The following VWA8 variants were observed in gnomAD, a reference collection of about 807,000 sequenced individuals.
VWA8 encodes von Willebrand factor A domain containing 8.
VWA8 carries 221 observed loss-of-function variants against 241.5 expected under a neutral mutation model. The observed-to-expected ratio is 0.91, with a 90% CI of 0.82 to 1.02. The LOEUF (loss-of-function observed/expected upper bound fraction) is 1.02, where lower values mean the gene tolerates loss of function less well. VWA8 is among the 50% of genes least tolerant of loss of function. The pLI is 0.00. For missense variants in VWA8, 2,322 were observed against 2,328.7 expected (o/e 1.00, Z 0.06); for synonymous variants, 852 against 827.1 (o/e 1.03, Z -0.52).
At chr13:41,792,008 T>TA (rs1220782925) in intron 17 of VWA8, among the ~76,000 whole-genome samples, 1 of 151,838 alleles carries the variant, frequency 6.6e-6, no homozygotes, top group East Asian at 1.9e-4. Context: ...TCTCCATTCA[T>TA]AAAAAATGTT....
intron 37 of VWA8, among the ~76,000 whole-genome samples, chr13:41,648,234 T>G (rs976043316): frequency 2.9e-4 from 44 of 152,192 alleles, no homozygotes; most frequent in African/African-American, 1.0e-3. Flanking sequence ...TTCCTTTTTT[T>G]AGCATTGGAA....
chr13:41,940,445 C>G (rs770718349), intron 2 of VWA8, among the ~76,000 whole-genome samples: 5 of 151,550 alleles, frequency 3.3e-5, no homozygotes, highest in Non-Finnish European at 5.9e-5. Flanking sequence ...AAAAAAAGTC[C>G]ATCAAAATTC....
intron 24 of VWA8, among the ~76,000 whole-genome samples, chr13:41,721,850 GA>G (rs974343605): frequency 1.3e-4 from 19 of 151,648 alleles, no homozygotes; most frequent in South Asian, 2.1e-4. Flanking sequence ...ATACAAAGAG[GA>G]AAAAAAATTC....
intron 3 of VWA8, 150 bp downstream of exon 3, chr13:41,911,888 C>T (rs575553843): frequency 5.7e-6 from 6 of 1,044,080 alleles, no homozygotes; most frequent in South Asian, 8.6e-5. Flanking sequence ...TAACTTATGC[C>T]AAACACTTTA....
rs1009185541 is a variant in VWA8, at chr13:41,758,697, T to C, written c.2426+2431A>G. Among the ~76,000 whole-genome samples, 6 of 150,972 alleles carry C rather than the reference T, an allele frequency of 4.0e-5. No homozygotes were observed. In the Admixed American group the frequency reaches 4.0e-4, roughly 10 times the overall value. ...ATTAAGTTTTCTTGCTTTATTGTGC[T>C]AGCTGGCACCTCCAGCATAATATGA... On this transcript the variant is annotated intron_variant, in intron 21 of 44. Coordinates refer to ENST00000379310, the MANE Select transcript of VWA8 (RefSeq NM_015058.2).
rs1213284911 is a variant in VWA8 at position 41,706,324 on chromosome 13, T to C, written c.3117-2913A>G. Among the ~76,000 whole-genome samples, 4 of 152,330 alleles carry C rather than the reference T, an allele frequency of 2.6e-5. No individual in the cohort carries two copies. In the East Asian group the frequency reaches 5.8e-4, roughly 22 times the overall value. On this transcript the variant is annotated intron_variant, in intron 26 of 44. Transcript: ENST00000379310. ...GTATGGGAAGGACCTCCAGGTACCC[T>C]ATACAGAATCTATTTCAGAACCACA... is the stretch of plus-strand genomic sequence containing the variant.
At chr13:41,766,937 T>C (rs1295136062) in intron 20 of VWA8, among the ~76,000 whole-genome samples, 1 of 152,182 alleles carries the variant, frequency 6.6e-6, no homozygotes, top group Non-Finnish European at 1.5e-5. Flanking sequence ...TCCCTGCATG[T>C]TATCTAAGGT....
chr13:41,725,975 A>G (rs895658612), intron 24 of VWA8, among the ~76,000 whole-genome samples: 1 of 152,238 alleles, frequency 6.6e-6, no homozygotes, highest in African/African-American at 2.4e-5. Context: ...ACAATGCCTT[A>G]TCAGATTCTT....
chr13:41,761,292 C>T, intron 20 of VWA8, 88 bp from the exon 21 acceptor site: 1 of 1,284,366 alleles, frequency 7.8e-7, no homozygotes, highest in Non-Finnish European at 1.1e-6. Context: ...TTACCAAAAC[C>T]TGCTTTCTCA....
intron 17 of VWA8, among the ~76,000 whole-genome samples, chr13:41,797,382 T>C (rs1011934775): frequency 4.6e-5 from 7 of 152,108 alleles, no homozygotes; most frequent in African/African-American, 1.7e-4. Flanking sequence ...TTTTGATACA[T>C]GGTACAAATG....
intron 37 of VWA8, among the ~76,000 whole-genome samples, chr13:41,657,339 G>A (rs1047644011): frequency 6.6e-6 from 1 of 151,924 alleles, no homozygotes; most frequent in African/African-American, 2.4e-5. Flanking sequence ...ATTTCCTTTT[G>A]TAGTTTAAGT....
chr13:41,854,343 AAC>A (rs1333045139), intron 12 of VWA8, among the ~76,000 whole-genome samples: 2 of 152,262 alleles, frequency 1.3e-5, no homozygotes, highest in East Asian at 3.9e-4. Context: ...CAACCAAAGG[AAC>A]ACACAGAGAA....
chr13:41,766,322 G>A (rs1383280747), intron 20 of VWA8, among the ~76,000 whole-genome samples: 2 of 152,122 alleles, frequency 1.3e-5, no homozygotes, highest in Non-Finnish European at 2.9e-5. Context: ...CATCAAAGGA[G>A]GAGAGAAAGA....
At chr13:41,791,124 T>TAAA (rs1555335986) in intron 17 of VWA8, among the ~76,000 whole-genome samples, 1,987 of 151,408 alleles carry the variant, frequency 0.013, 24 homozygotes, top group Middle Eastern at 0.051. Context: ...GTTTTTTTTT[T>TAAA]AAAAAAACAA....
rs1431020307 is a variant in VWA8, at chr13:41,883,429, T to C, written c.1038A>G (p.Leu346=). The C allele has an allele frequency of 5.0e-6, 8 of 1,613,622 alleles. No homozygotes were observed. The South Asian group carries it at 8.8e-5, about 18-fold the overall frequency. Residue 346 remains leucine (L), a synonymous_variant, in exon 9 of 45, where the codon TTA becomes TTG. Coordinates refer to ENST00000379310, the MANE Select transcript of VWA8 (RefSeq NM_015058.2). ...AIQWLYPYSI[L]LGHEGKMAVE... is the part of the protein sequence containing the mutation. ...CAGCCATCTTCCCTTCATGACCTAG[T>C]AAAATACTATATGGATAAAGCCACT...
intron 26 of VWA8, among the ~76,000 whole-genome samples, chr13:41,713,081 G>A (rs910639152): frequency 2.0e-5 from 3 of 152,154 alleles, no homozygotes; most frequent in South Asian, 4.1e-4. Flanking sequence ...CTTGCCGTTG[G>A]CAAAAGTGCC....
At chr13:41,816,284 C>A (rs1870688718) in intron 16 of VWA8, among the ~76,000 whole-genome samples, 1 of 151,894 alleles carries the variant, frequency 6.6e-6, no homozygotes, top group South Asian at 2.1e-4. Flanking sequence ...CAGTGACAGC[C>A]CTCTATCTTT....
chr13:41,622,246 C>A (rs1393169911), intron 37 of VWA8, among the ~76,000 whole-genome samples: 1 of 152,032 alleles, frequency 6.6e-6, no homozygotes, highest in Admixed American at 6.6e-5. Context: ...ACAGTCCAAC[C>A]CAGGACAGAA....
intron 40 of VWA8, among the ~76,000 whole-genome samples, chr13:41,597,726 A>G (rs2044497715): frequency 6.6e-6 from 1 of 152,100 alleles, no homozygotes; most frequent in Admixed American, 6.6e-5. Flanking sequence ...GGCATCTTAT[A>G]CTTCACAAGT....
Sources: allele counts gnomAD v4.1 joint callset (sites outside exome capture counted in the v4.1 genomes callset), GRCh38; gene constraint gnomAD v4.1.1; transcripts MANE v1.5; gene names NCBI Gene and HGNC (gene_info 2026-07-23, HGNC 2026-07-21).